The following STK39 variants were observed in gnomAD, a reference collection of about 807,000 sequenced individuals.
STK39 encodes the protein STE20/SPS1-related proline-alanine-rich protein kinase.
A neutral mutation model predicts 77.8 loss-of-function variants in STK39; 20 were observed. The ratio of observed to expected loss-of-function variants is 0.26; its 90% confidence interval spans 0.18 to 0.37. The LOEUF is 0.37. Among genes scored for constraint, STK39 ranks in the 10% least tolerant of loss-of-function variants. STK39 has a pLI of 1.00. For synonymous variants in STK39, 246 were observed against 234.1 expected (o/e 1.05, Z -0.47); for missense variants, 479 against 656.5 (o/e 0.73, Z 2.95).
At chr2:168,120,560 C>T (rs939365585) in intron 10 of STK39, among the ~76,000 whole-genome samples, 5 of 152,190 alleles carry the variant, frequency 3.3e-5, no homozygotes, top group Non-Finnish European at 5.9e-5. Flanking sequence ...CTAGCAGCAG[C>T]AGAAATGGGA....
At position 168,167,944 on chromosome 2, in the gene STK39, A is replaced by G. The variant is rs1350731097; in HGVS notation, c.322-537T>C. On this transcript the variant is annotated intron_variant, in intron 2 of 17. Coordinates refer to ENST00000355999, the MANE Select transcript of STK39 (RefSeq NM_013233.3). ...GTATTATTTCCCAGCTATCTGCCAC[A>G]GTAGATATTCCATTAACTAAAAAAA... Among the ~76,000 whole-genome samples, 6 of 152,234 alleles carry G rather than the reference A, an allele frequency of 3.9e-5. 1 individual carries two copies. The highest frequency in any genetic ancestry group is 1.4e-4 in the African/African-American group (6 of 41,460).
rs1464640930 is a variant in STK39, at chr2:167,954,048, C to T, written c.*1448G>A. The T allele has an allele frequency of 6.6e-6, 1 of 152,598 alleles. No homozygotes were observed. The highest frequency in any genetic ancestry group is 2.4e-5 in the African/African-American group (1 of 41,442). The allele number at this position is 152,598 out of a possible 1,614,324, so 9.5% of individuals were successfully genotyped here. A position where few individuals can be genotyped will look rare whatever the true frequency, so the allele number is the denominator to read the frequency against. On this transcript the variant is annotated 3_prime_UTR_variant, in exon 18 of 18. Transcript: ENST00000355999. ...CATTGTGCAATACACTTTTATTTTC[C>T]TTTTACCTTTGCAGTCATCTTCGAG...
intron 10 of STK39, among the ~76,000 whole-genome samples, chr2:168,080,359 G>A (rs1324641571): frequency 6.6e-6 from 1 of 152,230 alleles, no homozygotes; most frequent in African/African-American, 2.4e-5. Flanking sequence ...GCCTGGCACA[G>A]TGGCTTACAC....
chr2:168,103,677 T>A (rs544547002), intron 10 of STK39, among the ~76,000 whole-genome samples: 1 of 152,364 alleles, frequency 6.6e-6, no homozygotes, highest in Non-Finnish European at 1.5e-5. Flanking sequence ...CTTTTATATA[T>A]GTGTAAGATT....
intron 16 of STK39, among the ~76,000 whole-genome samples, chr2:167,983,695 T>A (rs1474475536): frequency 6.6e-6 from 1 of 152,168 alleles, no homozygotes; most frequent in Non-Finnish European, 1.5e-5. Context: ...AATGTGTCTC[T>A]CTGACACTGG....
intron 1 of STK39, among the ~76,000 whole-genome samples, chr2:168,204,549 G>C (rs1357654799): frequency 3.9e-5 from 6 of 152,206 alleles, no homozygotes; most frequent in African/African-American, 4.8e-5. Context: ...CCACTGGTAG[G>C]CTGGAGGAAA....
At chr2:168,176,817 C>CCATAA (rs1463330306) in intron 2 of STK39, among the ~76,000 whole-genome samples, 2 of 152,144 alleles carry the variant, frequency 1.3e-5, no homozygotes, top group African/African-American at 4.8e-5. Context: ...CAGTAGATTT[C>CCATAA]TGCTATCATA....
chr2:168,233,147 C>T (rs1015505530), intron 1 of STK39, among the ~76,000 whole-genome samples: 5 of 152,158 alleles, frequency 3.3e-5, no homozygotes, highest in Non-Finnish European at 5.9e-5. Flanking sequence ...CTAATGATCA[C>T]ATTTTGAAAC....
intron 14 of STK39, among the ~76,000 whole-genome samples, chr2:168,051,628 T>C (rs1233553001): frequency 6.6e-6 from 1 of 152,146 alleles, no homozygotes; most frequent in Non-Finnish European, 1.5e-5. Flanking sequence ...TACTCTTTTT[T>C]AATTTTTTGA....
intron 10 of STK39, among the ~76,000 whole-genome samples, chr2:168,099,268 G>A (rs1203652680): frequency 1.3e-5 from 2 of 152,208 alleles, no homozygotes; most frequent in Non-Finnish European, 2.9e-5. Flanking sequence ...TGCAGCAATA[G>A]ATAATGATCA....
chr2:168,138,817 A>G lies in STK39; in HGVS notation c.841-596T>C, dbSNP rs568900468. On this transcript the variant is annotated intron_variant, in intron 7 of 17. Transcript: ENST00000355999. ...CTGAGTTGCTAAAAACTGTCATCAA[A>G]TCCAAAGTCCTTGCTGCTTTCGGAG... Among the ~76,000 whole-genome samples the G allele has an allele frequency of 5.3e-5, 8 of 152,362 alleles. No individual in the cohort carries two copies. The South Asian group carries it at 1.7e-3, about 32-fold the overall frequency.
intron 7 of STK39, among the ~76,000 whole-genome samples, chr2:168,140,086 T>C (rs1211725087): frequency 2.6e-5 from 4 of 152,234 alleles, no homozygotes; most frequent in South Asian, 2.1e-4. Flanking sequence ...GCTGAGACTA[T>C]AAAGCAAGCT....
At position 168,012,649 on chromosome 2, in the gene STK39, G is replaced by T; in HGVS notation, c.1483C>A (p.His495Asn). 6.2e-7 allele frequency: 1 copy of T among 1,613,526 alleles called. No homozygotes were observed. Among genetic ancestry groups the T allele is most frequent in the South Asian group, 1.1e-5 (1 of 90,998 alleles). Residue 495 changes from histidine to asparagine, a missense_variant, in exon 16 of 18, where the codon CAC (histidine) becomes AAC (asparagine). His to Asn is a moderately conservative substitution (Grantham distance 68). This residue lies in a region of STK39 where 244 missense variants were observed against 296.8 expected (regional missense o/e 0.82). Transcript: ENST00000355999. ...ELFSAGLVDG[H>N]DVVIVAANLQ... Reference sequence around the variant, plus strand: ...AACAATTTACCTATAACTACATCGTGACCATCCACCAAGCCAGCAGAGAAG... The same window carrying T: ...AACAATTTACCTATAACTACATCGTTACCATCCACCAAGCCAGCAGAGAAG...
At chr2:168,091,169 C>CACAT (rs1686513463) in intron 10 of STK39, among the ~76,000 whole-genome samples, 1 of 151,860 alleles carries the variant, frequency 6.6e-6, no homozygotes, top group African/African-American at 2.4e-5. Flanking sequence ...CACACACACA[C>CACAT]ACACACACAC....
intron 16 of STK39, among the ~76,000 whole-genome samples, chr2:167,998,809 C>G (rs1683918518): frequency 6.6e-6 from 1 of 152,180 alleles, no homozygotes; most frequent in South Asian, 2.1e-4. Context: ...ATCATCTCAG[C>G]TTTTATTTCT....
chr2:168,102,862 G>A lies in STK39; in HGVS notation c.1089+26679C>T, dbSNP rs181938368. The stretch of plus-strand genomic sequence containing the variant: ...GGAGAATGGCATGAACCTGGGAGGC[G>A]GAGCTTGTAGTGAGCCGAGATTGCA... On this transcript the variant is annotated intron_variant, in intron 10 of 17. Transcript: ENST00000355999. Among the ~76,000 whole-genome samples, 44 of 150,144 alleles carry A rather than the reference G, an allele frequency of 2.9e-4. No individual in the cohort carries two copies. The East Asian group carries it at 4.9e-3, about 17-fold the overall frequency.
intron 17 of STK39, among the ~76,000 whole-genome samples, chr2:167,962,346 T>C (rs1453653005): frequency 6.6e-6 from 1 of 152,198 alleles, no homozygotes; most frequent in African/African-American, 2.4e-5. Context: ...CTATGCAAGA[T>C]CAGGCCAAAA....
intron 1 of STK39, among the ~76,000 whole-genome samples, chr2:168,220,090 T>C (rs1054549649): frequency 1.3e-5 from 2 of 152,116 alleles, no homozygotes; most frequent in African/African-American, 4.8e-5. Flanking sequence ...GAATAATATA[T>C]ACATTTATAA....
intron 14 of STK39, among the ~76,000 whole-genome samples, chr2:168,051,819 C>A (rs138460001): frequency 1.3e-5 from 2 of 152,176 alleles, no homozygotes; most frequent in Admixed American, 6.5e-5. Context: ...ACTAGTCTTG[C>A]GACATGGCAC....
Sources: allele counts gnomAD v4.1 joint callset (sites outside exome capture counted in the v4.1 genomes callset), GRCh38; gene constraint gnomAD v4.1.1; regional missense constraint gnomAD v4.1.1; transcripts MANE v1.5; gene names NCBI Gene and HGNC (gene_info 2026-07-23, HGNC 2026-07-21).